The following ARHGEF38 variants were observed in gnomAD, a reference collection of about 807,000 sequenced individuals.
The protein encoded by ARHGEF38 is Rho guanine nucleotide exchange factor (GEF) 38.
Under a neutral mutation model 79.9 loss-of-function variants are expected in ARHGEF38, and 79 were observed. The observed-to-expected ratio is 0.99, with a 90% confidence interval of 0.82 to 1.19. The LOEUF (loss-of-function observed/expected upper bound fraction) is 1.19. ARHGEF38 is among the 50% of genes most tolerant of loss of function. The pLI, the probability that ARHGEF38 is intolerant of heterozygous loss-of-function variation, is 0.00. For missense variants in ARHGEF38, 962 were observed against 907.2 expected, an observed-to-expected ratio of 1.06 and a Z score of -0.78; for synonymous variants, 366 against 328.3, an observed-to-expected ratio of 1.11 and a Z score of -1.24.
intron 1 of ARHGEF38, among the ~76,000 whole-genome samples, chr4:105,582,562 T>C (rs1726848970): frequency 6.6e-6 from 1 of 152,174 alleles, no homozygotes; most frequent in Admixed American, 6.5e-5. Context: ...ATTTTATTTT[T>C]GTTATTTATT....
At position 105,639,641 on chromosome 4, in the gene ARHGEF38, C is replaced by T. The variant is rs542548644; in HGVS notation, c.674+3221C>T. ...TCTGATATTGAATAATTCACTTTTT[C>T]CCACTGAATAGGATTGTCAAATTTA... On this transcript the variant is annotated intron_variant, in intron 5 of 13. Transcript: ENST00000420470. Among the ~76,000 whole-genome samples, 414 of 151,926 alleles carry T rather than the reference C, an allele frequency of 2.7e-3. 2 individuals are homozygous for T. The highest frequency in any genetic ancestry group is 9.1e-3 in the African/African-American group (376 of 41,500).
intron 1 of ARHGEF38, among the ~76,000 whole-genome samples, chr4:105,563,055 G>A (rs1225801256): frequency 1.3e-5 from 2 of 152,106 alleles, no homozygotes; most frequent in African/African-American, 2.4e-5. Flanking sequence ...CCTGAGAGGT[G>A]CTTTCATCTG....
intron 5 of ARHGEF38, among the ~76,000 whole-genome samples, chr4:105,640,858 A>G (rs552565222): frequency 1.3e-5 from 2 of 152,184 alleles, no homozygotes; most frequent in South Asian, 4.1e-4. Flanking sequence ...CTGATTCCTA[A>G]TTATGCATTT....
At position 105,678,930 on chromosome 4, in the gene ARHGEF38, G is replaced by A. The variant is rs1289680530; in HGVS notation, c.*993G>A. On this transcript the variant is annotated 3_prime_UTR_variant, in exon 14 of 14. Transcript: ENST00000420470. ...GTGAAATACTTTTTTAAAAAAATAC[G>A]ATCAACTTCTTTGCAAATAGTAGAC... is the stretch of plus-strand genomic sequence containing the variant. 2 of 173,248 alleles carry A rather than the reference G, an allele frequency of 1.2e-5. No individual in the cohort carries two copies. The highest frequency in any genetic ancestry group is 5.8e-5 in the Admixed American group (1 of 17,368). 10.7% of individuals were successfully genotyped at this position (173,248 alleles called of 1,614,324 possible).
At chr4:105,613,334 A>C in intron 2 of ARHGEF38, 50 bp from the exon 3 acceptor site, 2 of 1,583,546 alleles carry the variant, frequency 1.3e-6, no homozygotes, top group Non-Finnish European at 1.7e-6. Flanking sequence ...AGGAGAAAAC[A>C]TCCTAAATAC....
intron 6 of ARHGEF38, 103 bp from the exon 7 acceptor site, chr4:105,648,446 A>G: frequency 9.3e-7 from 1 of 1,072,132 alleles, no homozygotes; most frequent in Non-Finnish European, 1.3e-6. Flanking sequence ...AATCATATAC[A>G]TATTTATCTT....
chr4:105,588,208 A>G (rs759219114), intron 1 of ARHGEF38, among the ~76,000 whole-genome samples: 6 of 152,090 alleles, frequency 3.9e-5, no homozygotes, highest in Non-Finnish European at 8.8e-5. Context: ...TACTGTACAG[A>G]CTCTTTATAG....
chr4:105,668,675 TA>T (rs1434783547), intron 13 of ARHGEF38, among the ~76,000 whole-genome samples: 2 of 149,664 alleles, frequency 1.3e-5, no homozygotes, highest in African/African-American at 5.0e-5. Context: ...GATAGATAGA[TA>T]GATAGATAGA....
At chr4:105,616,035 C>T (rs927272097) in intron 3 of ARHGEF38, among the ~76,000 whole-genome samples, 3 of 152,036 alleles carry the variant, frequency 2.0e-5, no homozygotes, top group Non-Finnish European at 2.9e-5. Context: ...ATGAAGCCAT[C>T]GGGATGCCAG....
At chr4:105,594,736 T>C (rs1364000399) in intron 2 of ARHGEF38, among the ~76,000 whole-genome samples, 1 of 152,230 alleles carries the variant, frequency 6.6e-6, no homozygotes, top group Non-Finnish European at 1.5e-5. Context: ...ACAATCGTGC[T>C]GTAAACTTTA....
chr4:105,555,538 C>G (rs1376485744), intron 1 of ARHGEF38, among the ~76,000 whole-genome samples: 6 of 152,086 alleles, frequency 3.9e-5, no homozygotes, highest in African/African-American at 1.4e-4. Flanking sequence ...ATTTTCCTCT[C>G]CCTTTCTTGG....
At chr4:105,582,254 G>GTCCCTT (rs1726833254) in intron 1 of ARHGEF38, among the ~76,000 whole-genome samples, 11 of 149,636 alleles carry the variant, frequency 7.4e-5, no homozygotes, top group Admixed American at 6.0e-4. Flanking sequence ...ATTTCATTAA[G>GTCCCTT]CTTTGTTCTT....
At chr4:105,633,235 T>G (rs985335360) in intron 4 of ARHGEF38, among the ~76,000 whole-genome samples, 13 of 152,162 alleles carry the variant, frequency 8.5e-5, no homozygotes, top group Non-Finnish European at 4.4e-5. Flanking sequence ...TAGCTGAAGT[T>G]AGAGCTATTT....
intron 2 of ARHGEF38, among the ~76,000 whole-genome samples, chr4:105,597,107 T>C (rs1379587225): frequency 6.6e-6 from 1 of 152,088 alleles, no homozygotes; most frequent in Non-Finnish European, 1.5e-5. Flanking sequence ...TTTGCTACTT[T>C]CATTGAGCAG....
chr4:105,625,371 A>G (rs749973314), intron 3 of ARHGEF38, among the ~76,000 whole-genome samples: 9 of 152,240 alleles, frequency 5.9e-5, no homozygotes, highest in Non-Finnish European at 8.8e-5. Context: ...TGGGAGAAAC[A>G]GAAACAAAAA....
At chr4:105,664,269 G>C (rs1431366364) in intron 10 of ARHGEF38, among the ~76,000 whole-genome samples, 1 of 152,178 alleles carries the variant, frequency 6.6e-6, no homozygotes, top group Non-Finnish European at 1.5e-5. Flanking sequence ...GATTCAAGTA[G>C]TTATTCAGGT....
At chr4:105,576,344 C>T (rs951714900) in intron 1 of ARHGEF38, among the ~76,000 whole-genome samples, 1 of 148,688 alleles carries the variant, frequency 6.7e-6, no homozygotes, top group Non-Finnish European at 1.5e-5. Flanking sequence ...TTGTAGTTCT[C>T]TTTGTAGAGA....
intron 1 of ARHGEF38, among the ~76,000 whole-genome samples, chr4:105,569,621 A>C (rs1293794226): frequency 1.3e-5 from 2 of 152,186 alleles, no homozygotes; most frequent in Non-Finnish European, 2.9e-5. Flanking sequence ...CAATTCTCAC[A>C]ACCTCCTAGC....
downstream of ARHGEF38, among the ~76,000 whole-genome samples, chr4:105,681,872 G>A (rs1446556166): frequency 6.6e-6 from 1 of 152,138 alleles, no homozygotes; most frequent in African/African-American, 2.4e-5. Flanking sequence ...ATAACATTTT[G>A]AGCACTAAGT....
Sources: allele counts gnomAD v4.1 joint callset (sites outside exome capture counted in the v4.1 genomes callset), GRCh38; gene constraint gnomAD v4.1.1; transcripts MANE v1.5; gene names NCBI Gene and HGNC (gene_info 2026-07-23, HGNC 2026-07-21).